RCC2: variants seen among roughly 807,000 people sequenced by gnomAD.
The protein encoded by RCC2 is regulator of chromosome condensation 2, also known as protein RCC2.
A neutral mutation model predicts 64.1 loss-of-function variants in RCC2; 19 were observed. The ratio of observed to expected loss-of-function variants is 0.30; its 90% CI spans 0.21 to 0.44. RCC2 has a LOEUF of 0.44. Ranked by LOEUF, RCC2 falls within the 20% of genes least tolerant of loss-of-function variation. The pLI, the probability that RCC2 is intolerant of heterozygous loss-of-function variation, is 1.00. For missense variants in RCC2, 508 were observed against 710.4 expected (o/e 0.72, Z 3.24); for synonymous variants, 325 against 279.6 (o/e 1.16, Z -1.62).
chr1:17,431,359 A>ATAAAAATATATATATATATATATATATAT lies in RCC2; in HGVS notation c.286-2161_286-2160insATATATATATATATATATATATATTTTTA, dbSNP rs1265674393. On this transcript the variant is annotated intron_variant, in intron 2 of 12. Coordinates refer to ENST00000375436, the MANE Select transcript of RCC2 (RefSeq NM_018715.4). Reference sequence around the variant, plus strand: ...AAAAAAAAAAAAAAAAAAAAAAAAAAATATATATATATATATATATATGTG... The same window carrying ATAAAAATATATATATATATATATATATAT: ...AAAAAAAAAAAAAAAAAAAAAAAAAATAAAAATATATATATATATATATATATATATATATATATATATATATATATGTG... Among the ~76,000 whole-genome samples the ATAAAAATATATATATATATATATATATAT allele has an allele frequency of 2.0e-3, 91 of 44,924 alleles. 6 individuals carry two copies. Among genetic ancestry groups the ATAAAAATATATATATATATATATATATAT allele is most frequent in the East Asian group, 0.011 (18 of 1,648 alleles). The allele number at this position is 44,924 out of a possible 152,430, so 29.5% of individuals were successfully genotyped here.
intron 5 of RCC2, 106 bp from the exon 6 acceptor site, chr1:17,422,397 C>A: frequency 9.3e-7 from 1 of 1,078,660 alleles, no homozygotes; most frequent in Non-Finnish European, 1.4e-6. Flanking sequence ...ATTTGCCAGG[C>A]AGAAGGCAAG....
At chr1:17,417,769 TGGTGTGCA>T (rs1323826268) in intron 7 of RCC2, among the ~76,000 whole-genome samples, 2 of 152,160 alleles carry the variant, frequency 1.3e-5, no homozygotes, top group African/African-American at 4.8e-5. Flanking sequence ...TACGGCACGC[TGGTGTGCA>T]CCTCAGCCCT....
intron 2 of RCC2, among the ~76,000 whole-genome samples, chr1:17,434,503 G>T (rs1050280854): frequency 2.0e-5 from 3 of 152,124 alleles, no homozygotes; most frequent in African/African-American, 7.2e-5. Flanking sequence ...CATAGCCTTT[G>T]TAATATCCTT....
intron 4 of RCC2, among the ~76,000 whole-genome samples, chr1:17,424,142 G>A (rs1158627373): frequency 1.3e-5 from 2 of 152,228 alleles, no homozygotes; most frequent in African/African-American, 4.8e-5. Context: ...GACCCCACAT[G>A]AGCAATGCGT....
intron 2 of RCC2, among the ~76,000 whole-genome samples, chr1:17,431,672 C>T (rs967861558): frequency 6.6e-6 from 1 of 151,754 alleles, no homozygotes; most frequent in African/African-American, 2.4e-5. Context: ...TCAATAGGAA[C>T]CTTTACACGA....
At position 17,438,273 on chromosome 1, in the gene RCC2, G is replaced by A. The variant is rs1325558277; in HGVS notation, c.242C>T (p.Ala81Val). ...CTCGGGTTCGGTGATGACCACGGCCGCGCCGCCCGCCTTGCCTGCTGTCGC... is the reference window on the plus strand; with the variant it reads ...CTCGGGTTCGGTGATGACCACGGCCACGCCGCCCGCCTTGCCTGCTGTCGC... Reference protein sequence around the residue: ...RPATAGKAGGAAVVITEPEHT... With the variant: ...RPATAGKAGGVAVVITEPEHT... Residue 81 changes from alanine to valine, a missense_variant, in exon 2 of 13, where the codon GCG (alanine) becomes GTG (valine). Ala to Val is a moderately conservative substitution (Grantham distance 64, BLOSUM62 0). This residue lies in a region of RCC2 where 195 missense variants were observed against 158.3 expected (regional missense o/e 1.23). Coordinates refer to ENST00000375436, the MANE Select transcript of RCC2 (RefSeq NM_018715.4). 10 of 1,309,846 alleles carry A rather than the reference G, an allele frequency of 7.6e-6. No individual in the cohort carries two copies. Among genetic ancestry groups the A allele is most frequent in the East Asian group, 4.1e-5 (1 of 24,354 alleles). 81.1% of individuals were successfully genotyped at this position (1,309,846 alleles called of 1,614,324 possible).
intron 4 of RCC2, among the ~76,000 whole-genome samples, chr1:17,424,191 C>T (rs752217976): frequency 2.0e-5 from 3 of 152,192 alleles, no homozygotes; most frequent in African/African-American, 2.4e-5. Context: ...CACCAGACGC[C>T]GCCCCCTGCC....
Position 17,418,081 on chromosome 1 carries a change from G to C in RCC2, c.860-1435C>G, listed in dbSNP as rs77646599. Reference sequence around the variant, plus strand: ...CATCTTAAGATCTTGGTATCCACAGGGGGTACTGGAAGCAATCCCCCAGGT... The same window carrying C: ...CATCTTAAGATCTTGGTATCCACAGCGGGTACTGGAAGCAATCCCCCAGGT... On this transcript the variant is annotated intron_variant, in intron 7 of 12. Transcript: ENST00000375436. 9.2e-5 allele frequency among the ~76,000 whole-genome samples: 14 copies of C among 151,862 alleles called. No individual in the cohort carries two copies. In the East Asian group the frequency reaches 2.7e-3, roughly 29 times the overall value.
At chr1:17,429,530 A>G (rs952963309) in intron 2 of RCC2, among the ~76,000 whole-genome samples, 6 of 152,262 alleles carry the variant, frequency 3.9e-5, no homozygotes, top group African/African-American at 9.6e-5. Flanking sequence ...AGGTATTTGC[A>G]GGAAGCCTGC....
chr1:17,435,029 G>A (rs2075721312), intron 2 of RCC2, among the ~76,000 whole-genome samples: 1 of 152,160 alleles, frequency 6.6e-6, no homozygotes, highest in South Asian at 2.1e-4. Context: ...CTTGAACCCA[G>A]GAGGTGGAGG....
intron 2 of RCC2, among the ~76,000 whole-genome samples, chr1:17,433,781 C>T (rs868699361): frequency 2.0e-5 from 3 of 152,138 alleles, no homozygotes; most frequent in African/African-American, 4.8e-5. Context: ...TGCGCGTTTA[C>T]GGGGCCCAGA....
At chr1:17,428,884 T>C (rs991739945) in intron 3 of RCC2, among the ~76,000 whole-genome samples, 2 of 152,254 alleles carry the variant, frequency 1.3e-5, no homozygotes, top group African/African-American at 4.8e-5. Flanking sequence ...TCCTGATTAA[T>C]CTTAACGGAA....
Position 17,416,637 on chromosome 1 carries a change from G to A in RCC2, c.869C>T (p.Ser290Leu). 2 of 1,612,710 alleles carry A rather than the reference G, an allele frequency of 1.2e-6. No homozygotes were observed. Among genetic ancestry groups the A allele is most frequent in the Admixed American group, 1.7e-5 (1 of 59,992 alleles). ...TGCCCGGGCGATGAACTTCCCATCT[G>A]AGTTGTGTCCTGTAGAGACCACAGA... ...CPEYGQLGHNSDGKFIARAQR... is the reference protein window; with the variant it reads ...CPEYGQLGHNLDGKFIARAQR... Residue 290 changes from serine (S) to leucine (L), a missense_variant, in exon 8 of 13, where the codon TCA becomes TTA. Around this residue, in one of 4 missense-constraint regions of RCC2, gnomAD observed 179 missense variants for 322.0 expected, o/e 0.56. Transcript: ENST00000375436.
At chr1:17,409,914 G>A (rs2100349436) in intron 12 of RCC2, 60 bp downstream of exon 12, 8 of 1,381,746 alleles carry the variant, frequency 5.8e-6, no homozygotes, top group South Asian at 5.8e-5. Context: ...AAAATCATGA[G>A]GAGTGACATA....
chr1:17,424,076 T>C (rs2075586537), intron 4 of RCC2, among the ~76,000 whole-genome samples: 1 of 152,150 alleles, frequency 6.6e-6, no homozygotes, highest in African/African-American at 2.4e-5. Context: ...GAGCAACAAG[T>C]GCAAGTCTCA....
intron 5 of RCC2, 141 bp from the exon 6 acceptor site, chr1:17,422,432 G>A: frequency 1.2e-6 from 1 of 800,932 alleles, no homozygotes; most frequent in Non-Finnish European, 2.0e-6. Flanking sequence ...AGCTGGCAGT[G>A]CAGACGCTTC....
At position 17,438,451 on chromosome 1, in the gene RCC2, G is replaced by A. The variant is rs1220213586; in HGVS notation, c.64C>T (p.Arg22Cys). 2 of 1,307,350 alleles carry A rather than the reference G, an allele frequency of 1.5e-6. No individual in the cohort carries two copies. Among genetic ancestry groups the A allele is most frequent in the Non-Finnish European group, 1.9e-6 (2 of 1,031,856 alleles). The allele number at this position is 1,307,350 out of a possible 1,614,324, so 81.0% of individuals were successfully genotyped here. A position where few individuals can be genotyped will look rare whatever the true frequency, so the allele number is the denominator to read the frequency against. ...CCGCCGCGTTTCCTGGGCCCGGCGCGGGCAGTGCCGTTGCCCGAGCTCGGC... is the reference window on the plus strand; with the variant it reads ...CCGCCGCGTTTCCTGGGCCCGGCGCAGGCAGTGCCGTTGCCCGAGCTCGGC... ...EEPSSGNGTA[R>C]AGPRKRGGPA... Residue 22 changes from arginine to cysteine, a missense_variant, in exon 2 of 13, where the codon CGC (arginine) becomes TGC (cysteine). Coordinates refer to ENST00000375436, the MANE Select transcript of RCC2 (RefSeq NM_018715.4).
chr1:17,418,645 G>A (rs2075517443), intron 7 of RCC2, among the ~76,000 whole-genome samples: 1 of 151,924 alleles, frequency 6.6e-6, no homozygotes, highest in Non-Finnish European at 1.5e-5. Flanking sequence ...GACAGAGCAA[G>A]ACTCCGTATC....
In RCC2 at chr1:17,416,717, A is replaced by T. The variant is rs2075490199; in HGVS notation, c.860-71T>A. On this transcript the variant is annotated intron_variant, in intron 7 of 12. Transcript: ENST00000375436. ...GGGACGTGTCAGTGTGCTCACACGG[A>T]CTCTGTAGTGAGCCCCGGCAGCACC... is the stretch of plus-strand genomic sequence containing the variant. 6.7e-6 allele frequency: 10 copies of T among 1,488,516 alleles called. 1 individual carries two copies. The South Asian group carries it at 8.9e-5, about 13-fold the overall frequency. 92.2% of individuals were successfully genotyped at this position (1,488,516 alleles called of 1,614,324 possible).
Sources: allele counts gnomAD v4.1 joint callset (sites outside exome capture counted in the v4.1 genomes callset), GRCh38; gene constraint gnomAD v4.1.1; regional missense constraint gnomAD v4.1.1; transcripts MANE v1.5; gene names NCBI Gene and HGNC (gene_info 2026-07-23, HGNC 2026-07-21).